The following GALNT13 variants were observed in gnomAD, a reference collection of about 807,000 sequenced individuals.
GALNT13 encodes polypeptide N-acetylgalactosaminyltransferase 13.
GALNT13 carries 28 observed loss-of-function variants against 64.2 expected under a neutral mutation model. The ratio of observed to expected loss-of-function variants is 0.44; its 90% confidence interval spans 0.32 to 0.60. GALNT13 has a LOEUF of 0.60. GALNT13 is among the 20% of genes least tolerant of loss of function. GALNT13 has a pLI of 0.05. For synonymous variants in GALNT13, 214 were observed against 224.6 expected, an observed-to-expected ratio of 0.95 and a Z score of 0.42; for missense variants, 577 against 669.8, an observed-to-expected ratio of 0.86 and a Z score of 1.53.
intron 3 of GALNT13, among the ~76,000 whole-genome samples, chr2:154,095,416 T>C (rs1026839970): frequency 6.6e-6 from 1 of 151,928 alleles, no homozygotes; most frequent in Non-Finnish European, 1.5e-5. Context: ...TTCAATGTAA[T>C]TGGGTGTTTT....
At chr2:153,478,797 C>T in the GALNT13 span, 1 of 465,360 alleles carries the variant, frequency 2.1e-6, no homozygotes, top group Non-Finnish European at 3.9e-6. Flanking sequence ...GGTGCTCGTT[C>T]CCGGCGCTCG....
At chr2:153,583,051 A>G in the GALNT13 span, among the ~76,000 whole-genome samples, 2 of 152,180 alleles carry the variant, frequency 1.3e-5, no homozygotes, top group African/African-American at 4.8e-5. Flanking sequence ...TAAGTCAGGC[A>G]TTAATTAATC....
In GALNT13 at chr2:154,011,657, G is replaced by A. The variant is rs114455270; in HGVS notation, c.142+67018G>A. Among the ~76,000 whole-genome samples, 890 of 152,096 alleles carry A rather than the reference G, an allele frequency of 5.9e-3. 8 individuals are homozygous for A. The highest frequency in any genetic ancestry group is 0.02 in the African/African-American group (827 of 41,512). On this transcript the variant is annotated intron_variant, in intron 3 of 12. Transcript: ENST00000392825. ...TTTCTCCCTTGATGATCTAATATTGGCAGTGGGGTGTTGAAGTCTCTGACT... is the reference window on the plus strand; with the variant it reads ...TTTCTCCCTTGATGATCTAATATTGACAGTGGGGTGTTGAAGTCTCTGACT...
At chr2:153,793,690 A>G in the GALNT13 span, among the ~76,000 whole-genome samples, 1 of 151,678 alleles carries the variant, frequency 6.6e-6, no homozygotes, top group African/African-American at 2.4e-5. Flanking sequence ...CCCTTCCCAT[A>G]TTACATGTTA....
the GALNT13 span, among the ~76,000 whole-genome samples, chr2:153,711,699 G>C: frequency 6.6e-6 from 1 of 152,138 alleles, no homozygotes; most frequent in African/African-American, 2.4e-5. Context: ...GCTCACTTGT[G>C]CTACATGTCC....
At chr2:153,116,057 G>T in the GALNT13 span, among the ~76,000 whole-genome samples, 1 of 152,068 alleles carries the variant, frequency 6.6e-6, no homozygotes, top group Non-Finnish European at 1.5e-5. Flanking sequence ...TGTGGTTTTA[G>T]GGGATAAACT....
intron 2 of GALNT13, among the ~76,000 whole-genome samples, chr2:153,924,601 G>A (rs889221745): frequency 3.3e-5 from 5 of 152,078 alleles, no homozygotes; most frequent in Non-Finnish European, 5.9e-5. Flanking sequence ...GGATCAAATG[G>A]CATTTCTGCC....
At chr2:153,796,212 C>T in the GALNT13 span, among the ~76,000 whole-genome samples, 1 of 152,184 alleles carries the variant, frequency 6.6e-6, no homozygotes, top group East Asian at 1.9e-4. Flanking sequence ...CTACTTGACT[C>T]ATTTCCCATG....
At chr2:154,230,367 T>C (rs1399474296) in intron 4 of GALNT13, among the ~76,000 whole-genome samples, 1 of 152,084 alleles carries the variant, frequency 6.6e-6, no homozygotes, top group African/African-American at 2.4e-5. Context: ...CTACTTCCAA[T>C]AGCATGAAAG....
chr2:153,140,433 A>G, the GALNT13 span, among the ~76,000 whole-genome samples: 3 of 152,026 alleles, frequency 2.0e-5, no homozygotes, highest in African/African-American at 7.2e-5. Context: ...GAATGCATAT[A>G]AATGTATTTT....
chr2:154,044,692 A>G (rs914134703), intron 3 of GALNT13, among the ~76,000 whole-genome samples: 1 of 152,200 alleles, frequency 6.6e-6, no homozygotes, highest in Non-Finnish European at 1.5e-5. Context: ...TTAATGATTT[A>G]TTGCAGACAG....
At chr2:154,054,015 C>G (rs1699776992) in intron 3 of GALNT13, among the ~76,000 whole-genome samples, 1 of 152,068 alleles carries the variant, frequency 6.6e-6, no homozygotes, top group Admixed American at 6.5e-5. Flanking sequence ...CTAAGGAAAT[C>G]TAATTTATTC....
chr2:153,720,339 G>T, the GALNT13 span, among the ~76,000 whole-genome samples: 8 of 148,904 alleles, frequency 5.4e-5, no homozygotes, highest in Non-Finnish European at 1.0e-4. Context: ...ACCAAAAGTA[G>T]ATAAAACCAC....
At chr2:153,817,372 A>G in the GALNT13 span, among the ~76,000 whole-genome samples, 4 of 152,328 alleles carry the variant, frequency 2.6e-5, no homozygotes, top group South Asian at 8.3e-4. Flanking sequence ...CTGATAAATC[A>G]GTTTAGCAAG....
the GALNT13 span, among the ~76,000 whole-genome samples, chr2:153,257,310 C>T: frequency 6.6e-6 from 1 of 152,114 alleles, no homozygotes; most frequent in African/African-American, 2.4e-5. Context: ...CCTGCTTCGG[C>T]TCGTGCACGG....
the GALNT13 span, among the ~76,000 whole-genome samples, chr2:153,541,458 T>G: frequency 6.6e-6 from 1 of 152,176 alleles, no homozygotes; most frequent in African/African-American, 2.4e-5. Context: ...ATTTCTCTTC[T>G]TTCTCAAGGC....
At chr2:153,085,773 T>C in the GALNT13 span, among the ~76,000 whole-genome samples, 3 of 152,146 alleles carry the variant, frequency 2.0e-5, no homozygotes, top group Non-Finnish European at 4.4e-5. Context: ...ATTGAGTGCC[T>C]ACTGGGGTAT....
chr2:153,554,132 C>T, the GALNT13 span, among the ~76,000 whole-genome samples: 17 of 148,260 alleles, frequency 1.1e-4, no homozygotes, highest in Non-Finnish European at 1.8e-4. Context: ...CTGGCTAACA[C>T]GGTGAAACCC....
intron 4 of GALNT13, among the ~76,000 whole-genome samples, chr2:154,223,448 C>CTTTTTTTTTTTTTT (rs61230257): frequency 2.1e-4 from 26 of 124,296 alleles, no homozygotes; most frequent in East Asian, 6.9e-4. Flanking sequence ...TTTTCTTTTT[C>CTTTTTTTTTTTTTT]TTTTTTTTTT....
Sources: gnomAD v4.1 joint callset for allele counts (sites outside exome capture counted in the v4.1 genomes callset) on GRCh38, gnomAD v4.1.1 for gene constraint, MANE v1.5 for transcripts, NCBI Gene and HGNC (gene_info 2026-07-23, HGNC 2026-07-21) for gene names.